Variants in ITPKB observed in about 807,000 individuals in gnomAD.
ITPKB encodes IP3 3-kinase B.
In ITPKB, 13 loss-of-function variants were observed where a neutral mutation model predicts 69.4. The observed-to-expected ratio is 0.19, with a 90% CI of 0.12 to 0.30. The LOEUF is 0.30. Ranked by LOEUF, ITPKB falls within the 10% of genes least tolerant of loss-of-function variation. The probability of loss-of-function intolerance (pLI) is 1.00; values close to 1 mark genes in which losing one functional copy is unlikely to be tolerated. For synonymous variants in ITPKB, 584 were observed against 513.7 expected (o/e 1.14, Z -1.85); for missense variants, 1,240 against 1,250.5 (o/e 0.99, Z 0.13).
At chr1:226,660,873 G>A (rs74139747) in intron 2 of ITPKB, among the ~76,000 whole-genome samples, 4,449 of 152,320 alleles carry the variant, frequency 0.029, 213 homozygotes, top group African/African-American at 0.099. Context: ...AAGGGCGCCT[G>A]GGCTCTGCCC....
chr1:226,635,613 C>T lies in ITPKB; in HGVS notation c.2626-727G>A, dbSNP rs375115005. ...AACCTGACTCCTCCCAAACACTCTG[C>T]AGGGAACCACAGTGAAGGGGAAGGT... On this transcript the variant is annotated intron_variant, in intron 7 of 7. Transcript: ENST00000429204. 1.5e-3 allele frequency among the ~76,000 whole-genome samples: 226 copies of T among 152,352 alleles called. 1 individual carries two copies. The highest frequency in any genetic ancestry group is 5.2e-3 in the African/African-American group (216 of 41,578).
At chr1:226,715,078 A>C (rs913959335) in intron 2 of ITPKB, among the ~76,000 whole-genome samples, 1 of 152,256 alleles carries the variant, frequency 6.6e-6, no homozygotes, top group Non-Finnish European at 1.5e-5. Context: ...TTCTATTACT[A>C]TGATTTTAGA....
At chr1:226,705,698 C>T (rs1042039092) in intron 2 of ITPKB, among the ~76,000 whole-genome samples, 33 of 152,304 alleles carry the variant, frequency 2.2e-4, no homozygotes, top group East Asian at 1.9e-4. Flanking sequence ...CACCCCATTC[C>T]GGGAGGCTAG....
At chr1:226,729,797 G>T (rs1657535580) in intron 2 of ITPKB, among the ~76,000 whole-genome samples, 1 of 151,988 alleles carries the variant, frequency 6.6e-6, no homozygotes, top group African/African-American at 2.4e-5. Context: ...GTTTCACCAT[G>T]TTGACTAGGC....
intron 2 of ITPKB, among the ~76,000 whole-genome samples, chr1:226,727,571 T>C (rs780361346): frequency 2.0e-5 from 3 of 152,214 alleles, no homozygotes; most frequent in Non-Finnish European, 2.9e-5. Flanking sequence ...TTATGCCTTC[T>C]TCTTGGAAAA....
chr1:226,730,900 C>T (rs528987525), intron 2 of ITPKB, among the ~76,000 whole-genome samples: 18 of 152,324 alleles, frequency 1.2e-4, no homozygotes, highest in Admixed American at 8.5e-4. Flanking sequence ...CTGAAAATGA[C>T]TTATGTAACA....
rs1466062460 is a variant in ITPKB, at chr1:226,735,465, A to G, written c.1932+62T>C. 7 of 1,441,376 alleles carry G rather than the reference A, an allele frequency of 4.9e-6. No homozygotes were observed. In the East Asian group the frequency reaches 1.7e-4, roughly 36 times the overall value. The allele number at this position is 1,441,376 out of a possible 1,614,324, so 89.3% of individuals were successfully genotyped here. A position where few individuals can be genotyped will look rare whatever the true frequency, so the allele number is the denominator to read the frequency against. On this transcript the variant is annotated intron_variant, in intron 2 of 7. Coordinates refer to ENST00000429204, the MANE Select transcript of ITPKB (RefSeq NM_002221.4). ...AGAAAGTTAAGAAAAAGGGATGCATAGGGCATCAAAAGTCTGCTGAAATCA... is the reference window on the plus strand; with the variant it reads ...AGAAAGTTAAGAAAAAGGGATGCATGGGGCATCAAAAGTCTGCTGAAATCA...
At chr1:226,721,732 T>C (rs1657248593) in intron 2 of ITPKB, among the ~76,000 whole-genome samples, 1 of 151,982 alleles carries the variant, frequency 6.6e-6, no homozygotes, top group Non-Finnish European at 1.5e-5. Context: ...TGACCTCAGG[T>C]GATCCACCTG....
Position 226,736,847 on chromosome 1 carries a change from G to A in ITPKB, c.612C>T (p.Ser204=). The A allele has an allele frequency of 6.2e-7, 1 of 1,612,356 alleles. No individual in the cohort carries two copies. The highest frequency in any genetic ancestry group is 8.5e-7 in the Non-Finnish European group (1 of 1,180,018). ...GARSEERRTK[S]WGEQCPETSG... ...AAGTCTCTGGACATTGCTCCCCCCA[G>A]GACTTTGTCCTCCGTTCCTCGCTCC... The change falls in exon 2 of 8, where the codon TCC becomes TCT. Residue 204 remains serine (S), a synonymous_variant. Transcript: ENST00000429204.
At chr1:226,647,429 G>A in intron 3 of ITPKB, 49 bp from the exon 4 acceptor site, 1 of 1,417,278 alleles carries the variant, frequency 7.1e-7, no homozygotes, top group Non-Finnish European at 9.8e-7. Context: ...CAGGTAGCTG[G>A]CAGAGGCACC....
At chr1:226,684,488 T>C (rs1361455148) in intron 2 of ITPKB, among the ~76,000 whole-genome samples, 2 of 152,196 alleles carry the variant, frequency 1.3e-5, no homozygotes, top group African/African-American at 4.8e-5. Flanking sequence ...AACACTTTTT[T>C]TTTCTTTAAC....
intron 3 of ITPKB, among the ~76,000 whole-genome samples, 189 bp from the exon 4 acceptor site, chr1:226,647,569 G>T (rs1198281582): frequency 6.6e-6 from 1 of 152,202 alleles, no homozygotes; most frequent in Non-Finnish European, 1.5e-5. Flanking sequence ...CTCACTAACT[G>T]TAATTCTGAG....
intron 2 of ITPKB, among the ~76,000 whole-genome samples, chr1:226,701,785 A>T (rs1656648741): frequency 6.6e-6 from 1 of 151,982 alleles, no homozygotes; most frequent in Non-Finnish European, 1.5e-5. Context: ...GAGTACACAC[A>T]CTTCAGGGGC....
At chr1:226,673,440 G>T (rs1310975751) in intron 2 of ITPKB, among the ~76,000 whole-genome samples, 1 of 152,170 alleles carries the variant, frequency 6.6e-6, no homozygotes, top group Non-Finnish European at 1.5e-5. Context: ...TTGCTTAGGG[G>T]TGGGGATGAT....
At chr1:226,711,029 A>G (rs555411296) in intron 2 of ITPKB, among the ~76,000 whole-genome samples, 17 of 152,358 alleles carry the variant, frequency 1.1e-4, no homozygotes, top group Admixed American at 8.5e-4. Context: ...AACTGCATTC[A>G]TGAAGCTGGC....
At chr1:226,640,406 G>T (rs1222044209) in intron 5 of ITPKB, among the ~76,000 whole-genome samples, 1 of 152,226 alleles carries the variant, frequency 6.6e-6, no homozygotes, top group Admixed American at 6.5e-5. Context: ...TCCTCACTGT[G>T]GCTGCCTTCG....
chr1:226,648,892 G>A, intron 2 of ITPKB, 121 bp from the exon 3 acceptor site: 1 of 717,554 alleles, frequency 1.4e-6, no homozygotes, highest in Non-Finnish European at 2.5e-6. Flanking sequence ...GCCCTTGACG[G>A]GCTCTGAGGA....
At chr1:226,686,612 A>T (rs879393235) in intron 2 of ITPKB, among the ~76,000 whole-genome samples, 1 of 152,228 alleles carries the variant, frequency 6.6e-6, no homozygotes, top group Non-Finnish European at 1.5e-5. Context: ...CCCAGCACAG[A>T]CATAACACAA....
chr1:226,684,167 A>G (rs1179089124), intron 2 of ITPKB, among the ~76,000 whole-genome samples: 2 of 152,188 alleles, frequency 1.3e-5, no homozygotes, highest in Non-Finnish European at 2.9e-5. Flanking sequence ...CGTTGGGGCC[A>G]TTAGGAACAA....
Sources: gnomAD v4.1 joint callset for allele counts (sites outside exome capture counted in the v4.1 genomes callset) on GRCh38, gnomAD v4.1.1 for gene constraint, MANE v1.5 for transcripts, NCBI Gene and HGNC (gene_info 2026-07-23, HGNC 2026-07-21) for gene names.